The following MACROD2 variants were observed in gnomAD, a reference collection of about 807,000 sequenced individuals.
MACROD2 encodes mono-ADP ribosylhydrolase 2, also known as ADP-ribose glycohydrolase MACROD2.
Under a neutral mutation model 70.4 loss-of-function variants are expected in MACROD2, and 36 were observed. That is an observed-to-expected ratio of 0.51 (90% CI 0.39 to 0.68). The LOEUF (loss-of-function observed/expected upper bound fraction) is 0.68. Among genes scored for constraint, MACROD2 ranks in the 30% least tolerant of loss-of-function variants. The pLI is 0.00. For missense variants in MACROD2, 496 were observed against 538.4 expected, an observed-to-expected ratio of 0.92 and a Z score of 0.78; for synonymous variants, 172 against 178.8, an observed-to-expected ratio of 0.96 and a Z score of 0.30.
At chr20:14,870,641 T>C (rs2073477230) in intron 5 of MACROD2, among the ~76,000 whole-genome samples, 1 of 152,110 alleles carries the variant, frequency 6.6e-6, no homozygotes, top group Non-Finnish European at 1.5e-5. Context: ...ATGTCCATCC[T>C]GACTGGCATG....
intron 5 of MACROD2, among the ~76,000 whole-genome samples, chr20:14,865,592 G>T (rs1440560944): frequency 6.6e-6 from 1 of 151,864 alleles, no homozygotes; most frequent in Non-Finnish European, 1.5e-5. Context: ...AGAATTTATT[G>T]TCTCCACAAT....
chr20:15,520,020 C>T lies in MACROD2; in HGVS notation c.645+20173C>T, dbSNP rs376112338. 2.0e-4 allele frequency among the ~76,000 whole-genome samples: 30 copies of T among 151,910 alleles called. No individual in the cohort carries two copies. In the South Asian group the frequency reaches 2.3e-3, roughly 12 times the overall value. ...CTTCTGTTGGAGTTAGGGGAAGCGGCGAGAATAAAAGAAGCACTGCAATCA... is the reference window on the plus strand; with the variant it reads ...CTTCTGTTGGAGTTAGGGGAAGCGGTGAGAATAAAAGAAGCACTGCAATCA... On this transcript the variant is annotated intron_variant, in intron 8 of 17. Transcript: ENST00000684519.
At chr20:14,441,142 TAGA>T (rs879565731) in intron 3 of MACROD2, among the ~76,000 whole-genome samples, 2 of 152,228 alleles carry the variant, frequency 1.3e-5, no homozygotes, top group Non-Finnish European at 2.9e-5. Context: ...TAGAATGTGA[TAGA>T]AGTAATTTTA....
intron 5 of MACROD2, among the ~76,000 whole-genome samples, chr20:14,854,604 A>G (rs1244698984): frequency 6.6e-6 from 1 of 152,200 alleles, no homozygotes; most frequent in Non-Finnish European, 1.5e-5. Context: ...AAAGTTCATT[A>G]AAAAACAAAA....
intron 5 of MACROD2, among the ~76,000 whole-genome samples, chr20:14,796,277 A>G (rs1052034702): frequency 6.6e-6 from 1 of 152,038 alleles, no homozygotes; most frequent in Non-Finnish European, 1.5e-5. Flanking sequence ...CTCCTGTTTG[A>G]TCTCTTAGGC....
At chr20:14,930,031 G>A (rs1439337974) in intron 5 of MACROD2, among the ~76,000 whole-genome samples, 4 of 151,866 alleles carry the variant, frequency 2.6e-5, no homozygotes, top group Admixed American at 2.6e-4. Context: ...GCGTGGTGGC[G>A]GGAGCCTGTA....
At chr20:15,579,534 T>C (rs906084030) in intron 8 of MACROD2, among the ~76,000 whole-genome samples, 3 of 152,244 alleles carry the variant, frequency 2.0e-5, no homozygotes, top group African/African-American at 7.2e-5. Flanking sequence ...TGGTACAGCT[T>C]TAACTGCCAA....
At chr20:14,545,295 T>C (rs543953582) in intron 4 of MACROD2, among the ~76,000 whole-genome samples, 17 of 152,264 alleles carry the variant, frequency 1.1e-4, no homozygotes, top group Non-Finnish European at 2.5e-4. Flanking sequence ...TTTTGGGTAT[T>C]GTTGGCTGCT....
intron 5 of MACROD2, among the ~76,000 whole-genome samples, chr20:15,074,309 T>G (rs1173890947): frequency 6.6e-6 from 1 of 152,176 alleles, no homozygotes; most frequent in Non-Finnish European, 1.5e-5. Flanking sequence ...ATTTAATCAA[T>G]CATGCGTACC....
chr20:15,119,432 G>C (rs1157204816), intron 5 of MACROD2, among the ~76,000 whole-genome samples: 1 of 152,140 alleles, frequency 6.6e-6, no homozygotes, highest in Admixed American at 6.5e-5. Flanking sequence ...GTGCAAACAG[G>C]GCTGTGATTT....
rs376129892 is a variant in MACROD2, at chr20:15,063,535, G to A, written c.419-166405G>A. Among the ~76,000 whole-genome samples, 23 of 152,238 alleles carry A rather than the reference G, an allele frequency of 1.5e-4. No homozygotes were observed. The East Asian group carries it at 1.7e-3, about 12-fold the overall frequency. The stretch of plus-strand genomic sequence containing the variant: ...AAACTTGGCTCATATTTTAAATGAC[G>A]TTCCTCTGGGTACATCATGTTTTAG... On this transcript the variant is annotated intron_variant, in intron 5 of 17. Transcript: ENST00000684519.
chr20:15,516,103 C>A (rs6105424), intron 8 of MACROD2, among the ~76,000 whole-genome samples: 1 of 152,158 alleles, frequency 6.6e-6, no homozygotes, highest in African/African-American at 2.4e-5. Flanking sequence ...ACCAGACAAC[C>A]TTGGTCTTTA....
chr20:14,569,705 A>C (rs895512464), intron 4 of MACROD2, among the ~76,000 whole-genome samples: 2 of 151,900 alleles, frequency 1.3e-5, no homozygotes, highest in Non-Finnish European at 2.9e-5. Context: ...GGAGCTTACT[A>C]TCTTCTGTGT....
intron 3 of MACROD2, among the ~76,000 whole-genome samples, chr20:14,483,054 C>T (rs2084681111): frequency 6.6e-6 from 1 of 152,134 alleles, no homozygotes; most frequent in African/African-American, 2.4e-5. Context: ...TGGCATCTAA[C>T]AAAAATGATA....
At chr20:14,274,027 C>T (rs1397877244) in intron 3 of MACROD2, among the ~76,000 whole-genome samples, 1 of 152,056 alleles carries the variant, frequency 6.6e-6, no homozygotes, top group Non-Finnish European at 1.5e-5. Context: ...AAAAAGAGTC[C>T]AGGACCAGAT....
At chr20:15,546,844 A>G (rs2048032091) in intron 8 of MACROD2, among the ~76,000 whole-genome samples, 1 of 152,214 alleles carries the variant, frequency 6.6e-6, no homozygotes. Flanking sequence ...GCCTGAAGGC[A>G]TATTTTTCAT....
intron 8 of MACROD2, among the ~76,000 whole-genome samples, chr20:15,576,855 T>C (rs963345952): frequency 2.6e-5 from 4 of 152,232 alleles, no homozygotes; most frequent in Non-Finnish European, 5.9e-5. Flanking sequence ...TACCACATTG[T>C]AGTAACACCG....
chr20:15,204,722 A>T (rs1215278844), intron 5 of MACROD2, among the ~76,000 whole-genome samples: 1 of 152,180 alleles, frequency 6.6e-6, no homozygotes, highest in Non-Finnish European at 1.5e-5. Context: ...CTATAAATTC[A>T]GAACATAATG....
chr20:15,796,126 C>T (rs908778339), intron 8 of MACROD2, among the ~76,000 whole-genome samples: 1 of 151,964 alleles, frequency 6.6e-6, no homozygotes, highest in East Asian at 1.9e-4. Flanking sequence ...CAGAAATGGA[C>T]GCAGGTATTA....
Sources: allele counts gnomAD v4.1 joint callset (sites outside exome capture counted in the v4.1 genomes callset), GRCh38; gene constraint gnomAD v4.1.1; transcripts MANE v1.5; gene names NCBI Gene and HGNC (gene_info 2026-07-23, HGNC 2026-07-21).